Variants in NAV3 observed in about 807,000 individuals in gnomAD.
NAV3 encodes the protein neuron navigator 3, also known as pore membrane and/or filament interacting like protein 1.
NAV3 carries 87 observed loss-of-function variants against 244.7 expected under a neutral mutation model. The observed-to-expected ratio is 0.36, with a 90% CI of 0.30 to 0.42. NAV3 has a LOEUF of 0.42. NAV3 is among the 20% of genes least tolerant of loss of function. The pLI, the probability that NAV3 is intolerant of heterozygous loss-of-function variation, is 1.00. For missense variants in NAV3, 2,663 were observed against 2,893.3 expected (o/e 0.92, Z 1.83); for synonymous variants, 1,126 against 1,042.2 (o/e 1.08, Z -1.55).
chr12:77,717,640 G>GAATTTT (rs1555197880), intron 2 of NAV3, among the ~76,000 whole-genome samples: 2 of 151,834 alleles, frequency 1.3e-5, no homozygotes, highest in Non-Finnish European at 2.9e-5. Context: ...GCATCATATG[G>GAATTTT]TATTTTTATT....
upstream of NAV3, among the ~76,000 whole-genome samples, chr12:77,828,321 A>C (rs150973497): frequency 1.3e-5 from 2 of 152,236 alleles, no homozygotes; most frequent in East Asian, 3.9e-4. Flanking sequence ...CCTCACTCTT[A>C]TGCTTCCCAG....
At chr12:77,876,448 C>A (rs746974719) in intron 1 of NAV3, among the ~76,000 whole-genome samples, 3 of 152,016 alleles carry the variant, frequency 2.0e-5, no homozygotes, top group Non-Finnish European at 4.4e-5. Flanking sequence ...CGAATCAGTT[C>A]TTTTTGCTAG....
At chr12:77,923,481 C>CA (rs953753897) in intron 1 of NAV3, among the ~76,000 whole-genome samples, 84 of 152,100 alleles carry the variant, frequency 5.5e-4, no homozygotes, top group African/African-American at 2.0e-3. Context: ...GAAATAATGT[C>CA]ATAAATGATG....
chr12:78,054,629 GTA>G (rs1214106175), intron 11 of NAV3, among the ~76,000 whole-genome samples: 1 of 152,140 alleles, frequency 6.6e-6, no homozygotes, highest in Non-Finnish European at 1.5e-5. Context: ...AGTGGCATTT[GTA>G]GGGATAAAAT....
At chr12:78,021,726 T>G in intron 8 of NAV3, 21 bp from the exon 9 acceptor site, 1 of 1,550,354 alleles carries the variant, frequency 6.5e-7, no homozygotes, top group Non-Finnish European at 8.9e-7. Context: ...TATTTCTTTC[T>G]ATTTTCATGG....
intron 2 of NAV3, among the ~76,000 whole-genome samples, chr12:77,574,561 C>G (rs189742625): frequency 6.6e-6 from 1 of 151,988 alleles, no homozygotes; most frequent in Non-Finnish European, 1.5e-5. Context: ...TGAAACAGAA[C>G]GCATTTAGCC....
rs1039410388 is a variant in NAV3, at chr12:78,007,072, A to G, written c.1534A>G (p.Thr512Ala). ...IASLIPKGSK[T>A]TAAKKESLIP... ...AAGCTTGATCCCTAAGGGCAGCAAGACAACAGCAGCTAAGAAGGAAAGCTT... is the reference window on the plus strand; with the variant it reads ...AAGCTTGATCCCTAAGGGCAGCAAGGCAACAGCAGCTAAGAAGGAAAGCTT... The change falls in exon 8 of 40, where the codon ACA (threonine) becomes GCA (alanine). Residue 512 changes from threonine (T) to alanine (A), a missense_variant. This residue lies in a region of NAV3 where 1,521 missense variants were observed against 1,497.0 expected (regional missense o/e 1.02). Coordinates refer to ENST00000397909, the MANE Select transcript of NAV3 (RefSeq NM_001024383.2). The G allele has an allele frequency of 3.7e-6, 6 of 1,614,110 alleles. No homozygotes were observed. The African/African-American group carries it at 4.0e-5, about 11-fold the overall frequency.
At chr12:77,998,610 A>T (rs1872741171) in intron 7 of NAV3, 134 bp downstream of exon 7, 8 of 878,704 alleles carry the variant, frequency 9.1e-6, no homozygotes, top group Middle Eastern at 3.9e-4. Flanking sequence ...ATGTTTCCTA[A>T]CTGTCCCCTC....
intron 2 of NAV3, among the ~76,000 whole-genome samples, chr12:77,707,964 T>C (rs1875911123): frequency 6.6e-6 from 1 of 152,234 alleles, no homozygotes; most frequent in South Asian, 2.1e-4. Context: ...ATTAGCCCTT[T>C]GTCAGATGAG....
chr12:77,761,787 G>A (rs1869480843), intron 2 of NAV3, among the ~76,000 whole-genome samples: 1 of 152,196 alleles, frequency 6.6e-6, no homozygotes, highest in Admixed American at 6.5e-5. Context: ...ACAGATGCTG[G>A]AAAGGTTGTG....
intron 1 of NAV3, among the ~76,000 whole-genome samples, chr12:77,937,122 A>C (rs1889400114): frequency 6.6e-6 from 1 of 152,164 alleles, no homozygotes; most frequent in African/African-American, 2.4e-5. Flanking sequence ...ATTAGAAGGA[A>C]CAAATAAAGT....
intron 9 of NAV3, among the ~76,000 whole-genome samples, chr12:78,044,432 A>T (rs181700852): frequency 6.6e-6 from 1 of 152,098 alleles, no homozygotes; most frequent in Non-Finnish European, 1.5e-5. Context: ...TTGGTTCCAT[A>T]TGAAATTTAA....
intron 2 of NAV3, chr12:77,775,787 C>G (rs1049527124): frequency 1.2e-4 from 18 of 152,106 alleles, no homozygotes; most frequent in Non-Finnish European, 1.6e-4. Context: ...TAATAAAGCA[C>G]GATTCTTACA....
In NAV3 at chr12:77,831,451, T is replaced by A. The variant is rs1223895227; in HGVS notation, c.-11T>A. 6.3e-7 allele frequency: 1 copy of A among 1,575,430 alleles called. No homozygotes were observed. Among genetic ancestry groups the A allele is most frequent in the East Asian group, 2.3e-5 (1 of 44,432 alleles). ...TTTCTTTGGCAGCAAGAAGATAATT[T>A]TATAGAAGCCATGCCTGTTCTTGGG... On this transcript the variant is annotated 5_prime_UTR_variant, in exon 1 of 40. Coordinates refer to ENST00000397909, the MANE Select transcript of NAV3 (RefSeq NM_001024383.2).
intron 39 of NAV3, among the ~76,000 whole-genome samples, chr12:78,209,558 A>AG: frequency 6.6e-6 from 1 of 152,164 alleles, no homozygotes; most frequent in South Asian, 2.1e-4. Flanking sequence ...AAAAAAAAAA[A>AG]AAAGTCCATC....
At chr12:77,878,465 C>A (rs548326296) in intron 1 of NAV3, among the ~76,000 whole-genome samples, 90 of 152,056 alleles carry the variant, frequency 5.9e-4, no homozygotes, top group African/African-American at 2.0e-3. Context: ...CTGACCTCAA[C>A]TGATCTGCCC....
At chr12:77,591,954 T>G (rs1256376807) in intron 2 of NAV3, among the ~76,000 whole-genome samples, 1 of 152,256 alleles carries the variant, frequency 6.6e-6, no homozygotes, top group Non-Finnish European at 1.5e-5. Flanking sequence ...TTTTTCATTC[T>G]GATGAAGCAA....
At chr12:77,890,751 A>C (rs1883838087) in intron 1 of NAV3, among the ~76,000 whole-genome samples, 1 of 152,236 alleles carries the variant, frequency 6.6e-6, no homozygotes, top group Non-Finnish European at 1.5e-5. Flanking sequence ...GGCTTCTTAC[A>C]CAAAGTAGTT....
intron 1 of NAV3, among the ~76,000 whole-genome samples, chr12:77,935,461 A>G (rs920451202): frequency 6.6e-6 from 1 of 152,232 alleles, no homozygotes; most frequent in African/African-American, 2.4e-5. Flanking sequence ...TAGTTAGGTA[A>G]ACTATATTTG....
Sources: gnomAD v4.1 joint callset for allele counts (sites outside exome capture counted in the v4.1 genomes callset) on GRCh38, gnomAD v4.1.1 for gene constraint, gnomAD v4.1.1 regional missense constraint, MANE v1.5 for transcripts, NCBI Gene and HGNC (gene_info 2026-07-23, HGNC 2026-07-21) for gene names.